Variants in UBE2E2 observed in about 807,000 individuals in gnomAD.
The protein encoded by UBE2E2 is ubiquitin-conjugating enzyme E2 E2.
UBE2E2 carries 6 observed loss-of-function variants against 24.7 expected under a neutral mutation model. The observed-to-expected ratio is 0.24, with a 90% CI of 0.13 to 0.48. The LOEUF (loss-of-function observed/expected upper bound fraction) is 0.48. Ranked by LOEUF, UBE2E2 falls within the 20% of genes least tolerant of loss-of-function variation. UBE2E2 has a pLI of 0.99. For missense variants in UBE2E2, 169 were observed against 245.0 expected (o/e 0.69, Z 2.07); for synonymous variants, 104 against 83.6 (o/e 1.24, Z -1.33).
At chr3:23,513,631 C>T (rs1297102462) in intron 4 of UBE2E2, among the ~76,000 whole-genome samples, 1 of 152,040 alleles carries the variant, frequency 6.6e-6, no homozygotes, top group African/African-American at 2.4e-5. Flanking sequence ...TAGATTCTGC[C>T]CAGATTGCCC....
intron 3 of UBE2E2, among the ~76,000 whole-genome samples, chr3:23,307,846 A>C (rs1435590698): frequency 6.6e-6 from 1 of 152,186 alleles, no homozygotes; most frequent in Non-Finnish European, 1.5e-5. Context: ...AGGTAAATGT[A>C]AATAGAAGTG....
intron 5 of UBE2E2, among the ~76,000 whole-genome samples, chr3:23,572,861 T>G (rs1479372686): frequency 6.6e-6 from 1 of 152,220 alleles, no homozygotes; most frequent in Non-Finnish European, 1.5e-5. Flanking sequence ...TGCAAGTGTC[T>G]TTTTGGTAGA....
At chr3:23,468,940 G>A (rs1698977918) in intron 3 of UBE2E2, among the ~76,000 whole-genome samples, 1 of 152,190 alleles carries the variant, frequency 6.6e-6, no homozygotes, top group Non-Finnish European at 1.5e-5. Flanking sequence ...AAAAAACTCT[G>A]TGGATCTTAT....
At chr3:23,529,138 GAAGTA>G (rs1695064980) in intron 4 of UBE2E2, among the ~76,000 whole-genome samples, 5 of 152,224 alleles carry the variant, frequency 3.3e-5, no homozygotes. Flanking sequence ...GCCAGGAATT[GAAGTA>G]AAGGGAGAAG....
intron 3 of UBE2E2, among the ~76,000 whole-genome samples, chr3:23,351,331 A>T (rs1420622876): frequency 1.3e-5 from 2 of 152,362 alleles, no homozygotes; most frequent in East Asian, 3.9e-4. Flanking sequence ...CCATCAACTA[A>T]CAAGCAAAAT....
At chr3:23,294,040 T>A (rs1374931151) in intron 3 of UBE2E2, among the ~76,000 whole-genome samples, 2 of 152,176 alleles carry the variant, frequency 1.3e-5, no homozygotes, top group Non-Finnish European at 2.9e-5. Context: ...ATGAGGATGC[T>A]CCTAACTATA....
intron 3 of UBE2E2, among the ~76,000 whole-genome samples, chr3:23,322,231 G>A (rs1355599533): frequency 6.6e-6 from 1 of 152,150 alleles, no homozygotes; most frequent in Non-Finnish European, 1.5e-5. Flanking sequence ...TCTTTCATGA[G>A]TATTTATTTG....
At chr3:23,356,346 T>C (rs895346053) in intron 3 of UBE2E2, among the ~76,000 whole-genome samples, 2 of 152,226 alleles carry the variant, frequency 1.3e-5, no homozygotes, top group Non-Finnish European at 2.9e-5. Context: ...TATTTCATGC[T>C]ATTTCAGAAA....
intron 3 of UBE2E2, among the ~76,000 whole-genome samples, chr3:23,296,994 T>G (rs915170168): frequency 6.6e-6 from 1 of 152,264 alleles, no homozygotes; most frequent in East Asian, 1.9e-4. Flanking sequence ...TTTTAATGAT[T>G]GCCATTCTAA....
intron 4 of UBE2E2, among the ~76,000 whole-genome samples, chr3:23,510,606 A>C (rs1694574140): frequency 6.7e-6 from 1 of 149,520 alleles, no homozygotes; most frequent in Non-Finnish European, 1.5e-5. Flanking sequence ...GACTGGGTCA[A>C]AAAAAAAAAT....
intron 3 of UBE2E2, among the ~76,000 whole-genome samples, chr3:23,336,650 A>T (rs1165023315): frequency 6.6e-6 from 1 of 152,246 alleles, no homozygotes; most frequent in Non-Finnish European, 1.5e-5. Flanking sequence ...GATATTGCGT[A>T]TCTCAAAGCA....
chr3:23,308,265 A>G (rs1386425680), intron 3 of UBE2E2, among the ~76,000 whole-genome samples: 2 of 152,216 alleles, frequency 1.3e-5, no homozygotes, highest in Admixed American at 6.5e-5. Flanking sequence ...AGACATTCAG[A>G]TATTAGTTTC....
At chr3:23,545,111 C>T (rs1207130941) in intron 5 of UBE2E2, among the ~76,000 whole-genome samples, 3 of 152,230 alleles carry the variant, frequency 2.0e-5, no homozygotes, top group Admixed American at 1.3e-4. Context: ...CCGAGACATT[C>T]CATTGCCCAG....
chr3:23,222,556 C>G (rs1696683618), intron 3 of UBE2E2, among the ~76,000 whole-genome samples: 2 of 152,172 alleles, frequency 1.3e-5, no homozygotes, highest in South Asian at 2.1e-4. Context: ...TTACTTGGCT[C>G]TCATTCTTCT....
At chr3:23,348,347 C>CAAAAAAAAA (rs35038477) in intron 3 of UBE2E2, among the ~76,000 whole-genome samples, 12 of 121,964 alleles carry the variant, frequency 9.8e-5, no homozygotes, top group South Asian at 5.6e-4. Context: ...GTGCTGCTTT[C>CAAAAAAAAA]AAAAAAAAAA....
At chr3:23,214,895 T>A (rs1696433084) in intron 2 of UBE2E2, among the ~76,000 whole-genome samples, 1 of 152,098 alleles carries the variant, frequency 6.6e-6, no homozygotes, top group Non-Finnish European at 1.5e-5. Context: ...TTACTCCTTC[T>A]GTTGGTTTTC....
intron 3 of UBE2E2, among the ~76,000 whole-genome samples, chr3:23,463,426 T>C (rs1212584660): frequency 6.6e-6 from 1 of 152,152 alleles, no homozygotes; most frequent in Non-Finnish European, 1.5e-5. Context: ...ACTGCTTTAC[T>C]ATAAGCAATG....
rs549697099 is a variant in UBE2E2 at position 23,268,817 on chromosome 3, A to G, written c.227+51505A>G. Among the ~76,000 whole-genome samples the G allele has an allele frequency of 2.0e-5, 3 of 151,806 alleles. No homozygotes were observed. In the East Asian group the frequency reaches 5.8e-4, roughly 29 times the overall value. On this transcript the variant is annotated intron_variant, in intron 3 of 5. Coordinates refer to ENST00000396703, the MANE Select transcript of UBE2E2 (RefSeq NM_152653.4). Reference sequence around the variant, plus strand: ...ACTTCAAACTATACTACAAGGCTACAGTAACCAAAACAGCATGGTACTGGT... The same window carrying G: ...ACTTCAAACTATACTACAAGGCTACGGTAACCAAAACAGCATGGTACTGGT...
At chr3:23,376,642 C>T (rs1696528687) in intron 3 of UBE2E2, among the ~76,000 whole-genome samples, 1 of 152,090 alleles carries the variant, frequency 6.6e-6, no homozygotes, top group Admixed American at 6.5e-5. Flanking sequence ...TCTGTTACCA[C>T]AGGTAAGGTC....
Sources: gnomAD v4.1 joint callset for allele counts (sites outside exome capture counted in the v4.1 genomes callset) on GRCh38, gnomAD v4.1.1 for gene constraint, MANE v1.5 for transcripts, NCBI Gene and HGNC (gene_info 2026-07-23, HGNC 2026-07-21) for gene names.